ERCC6L2: variants seen among roughly 807,000 people sequenced by gnomAD.
The protein encoded by ERCC6L2 is DNA excision repair protein ERCC-6-like 2.
ERCC6L2 carries 77 observed loss-of-function variants against 132.0 expected under a neutral mutation model. The observed-to-expected ratio is 0.58, with a 90% CI of 0.49 to 0.71. The LOEUF is 0.71. Ranked by LOEUF, ERCC6L2 falls within the 30% of genes least tolerant of loss-of-function variation. ERCC6L2 has a pLI of 0.00. For missense variants in ERCC6L2, 1,542 were observed against 1,837.6 expected, an observed-to-expected ratio of 0.84 and a Z score of 2.94; for synonymous variants, 583 against 632.4, an observed-to-expected ratio of 0.92 and a Z score of 1.17.
intron 19 of ERCC6L2, among the ~76,000 whole-genome samples, chr9:96,024,690 T>C (rs1192838255): frequency 1.3e-5 from 2 of 152,208 alleles, no homozygotes; most frequent in Non-Finnish European, 2.9e-5. Context: ...ATCAGGAATC[T>C]TCACCATAGC....
In ERCC6L2 at chr9:95,881,298, T is replaced by C; in HGVS notation, c.471+5T>C. 4 of 1,542,696 alleles carry C rather than the reference T, an allele frequency of 2.6e-6. No homozygotes were observed. The highest frequency in any genetic ancestry group is 3.5e-6 in the Non-Finnish European group (4 of 1,151,276). Reference sequence around the variant, plus strand: ...GGACTTGGAAAAACAGTACAGGTATTTAATTATGTTATAACAGTAAAGTCA... The same window carrying C: ...GGACTTGGAAAAACAGTACAGGTATCTAATTATGTTATAACAGTAAAGTCA... On this transcript the variant is annotated splice_donor_5th_base_variant and intron_variant, in intron 2 of 18. Transcript: ENST00000653738.
At position 95,921,176 on chromosome 9, in the gene ERCC6L2, T is replaced by C. The variant is rs761403334; in HGVS notation, c.1160T>C (p.Met387Thr). The change falls in exon 7 of 19, where the codon ATG (methionine) becomes ACG (threonine). Residue 387 changes from methionine (M) to threonine (T), a missense_variant and splice_region_variant. Around this residue, in one of 4 missense-constraint regions of ERCC6L2, gnomAD observed 945 missense variants for 1,105.2 expected, o/e 0.86. Transcript: ENST00000653738. ...CTACCTTGTATTTTATCTTGGCAGA[T>C]GGTGTATTGTTCTTTGACAGATTTC... ...KDQLPKKEDR[M>T]VYCSLTDFQK... 8 of 1,605,112 alleles carry C rather than the reference T, an allele frequency of 5.0e-6. No homozygotes were observed. Among genetic ancestry groups the C allele is most frequent in the Non-Finnish European group, 6.8e-6 (8 of 1,176,650 alleles).
intron 14 of ERCC6L2, among the ~76,000 whole-genome samples, chr9:95,969,108 C>T (rs1159445704): frequency 2.6e-5 from 4 of 151,868 alleles, no homozygotes; most frequent in Non-Finnish European, 5.9e-5. Flanking sequence ...GAACATGCCC[C>T]GTGTGATCTC....
At chr9:95,954,227 G>A (rs694230) in intron 12 of ERCC6L2, among the ~76,000 whole-genome samples, 40,077 of 152,076 alleles carry the variant, frequency 0.26, 5,873 homozygotes, top group East Asian at 0.4. Flanking sequence ...ACAGACAGCT[G>A]TCAAGGAAAT....
chr9:96,019,387 C>T (rs571449890), downstream of ERCC6L2, among the ~76,000 whole-genome samples: 6 of 152,282 alleles, frequency 3.9e-5, no homozygotes, highest in African/African-American at 1.2e-4. Flanking sequence ...CTCCAGTGTT[C>T]AGCTTTCTCT....
intron 2 of ERCC6L2, among the ~76,000 whole-genome samples, chr9:95,891,336 C>T (rs750424105): frequency 3.9e-5 from 6 of 152,174 alleles, no homozygotes; most frequent in Non-Finnish European, 5.9e-5. Context: ...TACACAAACG[C>T]ATTCTTATAA....
intron 17 of ERCC6L2, among the ~76,000 whole-genome samples, chr9:95,991,199 A>G (rs680468): frequency 0.64 from 97,086 of 151,762 alleles, 31,659 homozygotes; most frequent in African/African-American, 0.76. Flanking sequence ...TCCACGTAGG[A>G]CCACAGATCT....
intron 17 of ERCC6L2, among the ~76,000 whole-genome samples, chr9:95,987,678 T>C (rs1384353505): frequency 6.6e-6 from 1 of 152,168 alleles, no homozygotes; most frequent in Non-Finnish European, 1.5e-5. Flanking sequence ...GCACAATGCA[T>C]GCTCTCAGTG....
At chr9:95,954,519 C>T (rs904617265) in intron 12 of ERCC6L2, among the ~76,000 whole-genome samples, 1 of 152,170 alleles carries the variant, frequency 6.6e-6, no homozygotes, top group Non-Finnish European at 1.5e-5. Flanking sequence ...ACACTTGTCT[C>T]CACTTGGTGA....
chr9:95,932,965 TATC>T (rs1469980601), intron 11 of ERCC6L2, among the ~76,000 whole-genome samples: 4 of 152,206 alleles, frequency 2.6e-5, no homozygotes, highest in African/African-American at 9.6e-5. Context: ...TGAGTTGTAT[TATC>T]ATCAAAGGGA....
chr9:96,036,895 T>A (rs2133272869), intron 19 of ERCC6L2, among the ~76,000 whole-genome samples: 1 of 149,166 alleles, frequency 6.7e-6, no homozygotes, highest in Middle Eastern at 3.4e-3. Flanking sequence ...GCCTCCCAAG[T>A]AGCTGGGACT....
intron 16 of ERCC6L2, among the ~76,000 whole-genome samples, chr9:95,973,400 G>T (rs188611957): frequency 5.3e-5 from 8 of 152,116 alleles, no homozygotes; most frequent in South Asian, 2.1e-4. Context: ...ATCACCAAAT[G>T]TGCATCCCCA....
chr9:95,981,012 G>A (rs368502200), intron 17 of ERCC6L2, among the ~76,000 whole-genome samples: 41 of 152,206 alleles, frequency 2.7e-4, no homozygotes, highest in Middle Eastern at 6.8e-3. Context: ...GTGTGCATGC[G>A]TGTCTGTAGC....
Position 95,911,368 on chromosome 9 carries a change from T to A in ERCC6L2, c.788+4097T>A, listed in dbSNP as rs371282209. Among the ~76,000 whole-genome samples, 29 of 152,320 alleles carry A rather than the reference T, an allele frequency of 1.9e-4. No individual in the cohort carries two copies. In the East Asian group the frequency reaches 5.0e-3, roughly 26 times the overall value. On this transcript the variant is annotated intron_variant, in intron 4 of 18. Coordinates refer to ENST00000653738, the MANE Select transcript of ERCC6L2 (RefSeq NM_020207.7). The stretch of plus-strand genomic sequence containing the variant: ...AGGAAATTTTTATCTTTAATTTCTG[T>A]ATCTCAGTACTTTTAGCACATAAGA...
chr9:95,938,066 A>T (rs1345466796), intron 11 of ERCC6L2, among the ~76,000 whole-genome samples: 1 of 149,646 alleles, frequency 6.7e-6, no homozygotes, highest in Admixed American at 6.7e-5. Context: ...TTTGGATTTC[A>T]GATTTTGTTT....
At chr9:95,983,404 T>G (rs766731621) in intron 17 of ERCC6L2, among the ~76,000 whole-genome samples, 4 of 152,240 alleles carry the variant, frequency 2.6e-5, no homozygotes, top group Non-Finnish European at 4.4e-5. Flanking sequence ...GCTATAAGTC[T>G]TCTTTGAACA....
intron 2 of ERCC6L2, among the ~76,000 whole-genome samples, chr9:95,891,459 C>A (rs1243927920): frequency 6.6e-6 from 1 of 152,294 alleles, no homozygotes; most frequent in African/African-American, 2.4e-5. Context: ...CAACTCCCAC[C>A]TCTTTCTAGT....
chr9:95,964,303 C>G (rs1832051842), intron 13 of ERCC6L2, among the ~76,000 whole-genome samples: 1 of 152,126 alleles, frequency 6.6e-6, no homozygotes, highest in Non-Finnish European at 1.5e-5. Flanking sequence ...TTATATTTGG[C>G]CAATGGGAAC....
chr9:95,896,408 ATT>A (rs11371289), intron 2 of ERCC6L2, among the ~76,000 whole-genome samples: 25 of 136,520 alleles, frequency 1.8e-4, no homozygotes, highest in South Asian at 1.6e-3. Context: ...TTGTTTTTTG[ATT>A]TTTTTTTTTT....
Sources: allele counts gnomAD v4.1 joint callset (sites outside exome capture counted in the v4.1 genomes callset), GRCh38; gene constraint gnomAD v4.1.1; regional missense constraint gnomAD v4.1.1; transcripts MANE v1.5; gene names NCBI Gene and HGNC (gene_info 2026-07-23, HGNC 2026-07-21).